Variants in PLCB4 observed in about 807,000 individuals in gnomAD.
The protein encoded by PLCB4 is 1-phosphatidylinositol 4,5-bisphosphate phosphodiesterase beta-4.
Under a neutral mutation model 178.8 loss-of-function variants are expected in PLCB4, and 77 were observed. That is an observed-to-expected ratio of 0.43 (90% CI 0.36 to 0.52). PLCB4 has a LOEUF of 0.52. PLCB4 is among the 20% of genes least tolerant of loss of function. PLCB4 has a pLI of 0.00. For synonymous variants in PLCB4, 496 were observed against 490.8 expected, an observed-to-expected ratio of 1.01 and a Z score of -0.14; for missense variants, 1,024 against 1,453.4, an observed-to-expected ratio of 0.70 and a Z score of 4.80.
At chr20:9,200,896 G>T (rs1482350362) in intron 2 of PLCB4, among the ~76,000 whole-genome samples, 1 of 151,948 alleles carries the variant, frequency 6.6e-6, no homozygotes, top group Non-Finnish European at 1.5e-5. Flanking sequence ...ATAAATATTT[G>T]TTGAATGAGT....
At chr20:9,230,688 G>A (rs2093922309) in intron 3 of PLCB4, among the ~76,000 whole-genome samples, 1 of 152,144 alleles carries the variant, frequency 6.6e-6, no homozygotes, top group Admixed American at 6.6e-5. Flanking sequence ...CAACTGCCAA[G>A]TATGCTGAGG....
chr20:9,201,063 T>C (rs1174078434), intron 2 of PLCB4, among the ~76,000 whole-genome samples: 1 of 152,178 alleles, frequency 6.6e-6, no homozygotes, highest in Non-Finnish European at 1.5e-5. Context: ...TATCATATAT[T>C]TAGTTTTCTT....
intron 2 of PLCB4, among the ~76,000 whole-genome samples, chr20:9,129,718 A>T (rs1210654695): frequency 6.6e-6 from 1 of 152,180 alleles, no homozygotes; most frequent in Non-Finnish European, 1.5e-5. Flanking sequence ...AATAAAATTA[A>T]ATCTGTTCAT....
intron 3 of PLCB4, among the ~76,000 whole-genome samples, chr20:9,229,250 G>A (rs1483728942): frequency 1.3e-5 from 2 of 152,112 alleles, no homozygotes; most frequent in African/African-American, 4.8e-5. Context: ...CTACGGGCGT[G>A]GAAGGACTAG....
intron 12 of PLCB4, 67 bp from the exon 13 acceptor site, chr20:9,379,987 C>A: frequency 1.3e-6 from 1 of 741,778 alleles, no homozygotes; most frequent in Non-Finnish European, 2.3e-6. Context: ...AAATTATAAA[C>A]TTAGTAATGT....
chr20:9,386,703 C>T (rs1426224466), intron 14 of PLCB4, among the ~76,000 whole-genome samples: 3 of 151,812 alleles, frequency 2.0e-5, no homozygotes, highest in Admixed American at 6.6e-5. Flanking sequence ...TACATATGCA[C>T]AACGTGCAGG....
rs2089642083 is a variant in PLCB4, at chr20:9,072,893, G to A, written c.-135+3687G>A. ...TTTCCTTTATCAAATAAAAATAGTT[G>A]AAATGGACATAAATCCAAGGTTTTT... On this transcript the variant is annotated intron_variant, in intron 1 of 39. Coordinates refer to ENST00000378473, the MANE Select transcript of PLCB4 (RefSeq NM_001377142.1). 3.3e-5 allele frequency among the ~76,000 whole-genome samples: 5 copies of A among 152,222 alleles called. No homozygotes were observed. In the South Asian group the frequency reaches 1.0e-3, roughly 32 times the overall value.
chr20:9,097,286 T>C (rs1340878352), intron 2 of PLCB4, among the ~76,000 whole-genome samples: 1 of 146,650 alleles, frequency 6.8e-6, no homozygotes, highest in Non-Finnish European at 1.5e-5. Context: ...TTCTGAAATA[T>C]GGACTGGCTC....
intron 6 of PLCB4, among the ~76,000 whole-genome samples, chr20:9,338,306 G>T (rs541408050): frequency 5.9e-5 from 9 of 152,160 alleles, no homozygotes; most frequent in Non-Finnish European, 1.2e-4. Context: ...CTAATAAAAG[G>T]CTCTTCTATC....
intron 2 of PLCB4, among the ~76,000 whole-genome samples, chr20:9,102,734 C>T (rs1376074931): frequency 6.8e-6 from 1 of 147,622 alleles, no homozygotes; most frequent in African/African-American, 2.5e-5. Context: ...AATGCCAGAG[C>T]ATATTTGGGG....
chr20:9,144,625 T>G (rs1426931564), intron 2 of PLCB4, among the ~76,000 whole-genome samples: 1 of 139,024 alleles, frequency 7.2e-6, no homozygotes, highest in African/African-American at 2.8e-5. Context: ...AGACCTAATC[T>G]CTACAAAAGA....
intron 1 of PLCB4, among the ~76,000 whole-genome samples, chr20:9,075,720 C>T (rs1238508968): frequency 6.6e-6 from 1 of 152,232 alleles, no homozygotes; most frequent in Non-Finnish European, 1.5e-5. Flanking sequence ...AGGTTTCTGC[C>T]AGGTGGGCCT....
At chr20:9,180,047 G>A (rs1568904582) in intron 2 of PLCB4, among the ~76,000 whole-genome samples, 1 of 152,110 alleles carries the variant, frequency 6.6e-6, no homozygotes, top group African/African-American at 2.4e-5. Flanking sequence ...GCCTTGTTTA[G>A]GAATGTTTAG....
chr20:9,210,122 A>G (rs1462598435), intron 2 of PLCB4, among the ~76,000 whole-genome samples: 1 of 152,202 alleles, frequency 6.6e-6, no homozygotes, highest in Non-Finnish European at 1.5e-5. Flanking sequence ...TACACGAAGG[A>G]AACCAGGCAA....
intron 2 of PLCB4, among the ~76,000 whole-genome samples, chr20:9,154,230 T>C (rs985104301): frequency 9.2e-5 from 14 of 152,070 alleles, no homozygotes; most frequent in African/African-American, 3.4e-4. Flanking sequence ...TTAAGTTCCA[T>C]ATAACACTTT....
chr20:9,399,420 C>G lies in PLCB4; in HGVS notation c.1511-2070C>G, dbSNP rs79735560. Among the ~76,000 whole-genome samples the G allele has an allele frequency of 2.6e-3, 397 of 152,324 alleles. 1 individual carries two copies. Among genetic ancestry groups the G allele is most frequent in the African/African-American group, 9.1e-3 (377 of 41,578 alleles). On this transcript the variant is annotated intron_variant, in intron 19 of 39. Coordinates refer to ENST00000378473, the MANE Select transcript of PLCB4 (RefSeq NM_001377142.1). ...TAGTGCCACTGTATGAATCTACTAT[C>G]TATGTGTGGCTAGAGTCTCTAATTT...
At chr20:9,311,450 G>C (rs2094832617) in intron 4 of PLCB4, among the ~76,000 whole-genome samples, 1 of 152,122 alleles carries the variant, frequency 6.6e-6, no homozygotes, top group African/African-American at 2.4e-5. Context: ...CGGAGATCAT[G>C]CTGAATAAGT....
chr20:9,271,236 G>A (rs2094399444), intron 3 of PLCB4, among the ~76,000 whole-genome samples: 1 of 152,116 alleles, frequency 6.6e-6, no homozygotes, highest in Non-Finnish European at 1.5e-5. Flanking sequence ...GACCCTGACA[G>A]TGCTAAACTT....
At chr20:9,405,753 A>G (rs912609952) in intron 21 of PLCB4, among the ~76,000 whole-genome samples, 3 of 152,208 alleles carry the variant, frequency 2.0e-5, no homozygotes, top group Non-Finnish European at 4.4e-5. Flanking sequence ...GCCTTATTGT[A>G]GGAAAGGTAA....
Sources: allele counts gnomAD v4.1 joint callset (sites outside exome capture counted in the v4.1 genomes callset), GRCh38; gene constraint gnomAD v4.1.1; transcripts MANE v1.5; gene names NCBI Gene and HGNC (gene_info 2026-07-23, HGNC 2026-07-21).